UGP2: variants seen among roughly 807,000 people sequenced by gnomAD.
UGP2 encodes UDP-glucose pyrophosphorylase 2, also known as UTP--glucose-1-phosphate uridylyltransferase.
UGP2 carries 40 observed loss-of-function variants against 49.0 expected under a neutral mutation model. The observed-to-expected ratio is 0.82, with a 90% CI of 0.63 to 1.06. UGP2 has a LOEUF of 1.06. Among genes scored for constraint, UGP2 ranks in the 50% least tolerant of loss-of-function variants. The pLI is 0.00. For missense variants in UGP2, 460 were observed against 603.5 expected, an observed-to-expected ratio of 0.76 and a Z score of 2.49; for synonymous variants, 225 against 213.0, an observed-to-expected ratio of 1.06 and a Z score of -0.49.
chr2:63,880,945 T>C (rs988411614), intron 3 of UGP2, among the ~76,000 whole-genome samples: 4 of 152,164 alleles, frequency 2.6e-5, no homozygotes, highest in African/African-American at 9.7e-5. Context: ...TTTTGGTTCA[T>C]GAATATGAAT....
intron 4 of UGP2, 131 bp downstream of exon 4, chr2:63,882,782 T>G: frequency 9.6e-7 from 1 of 1,044,220 alleles, no homozygotes; most frequent in Non-Finnish European, 1.3e-6. Context: ...AATCTCTTTA[T>G]TGGTGGAAAA....
At chr2:63,845,678 A>ATG (rs1330650441) in intron 1 of UGP2, among the ~76,000 whole-genome samples, 1 of 152,104 alleles carries the variant, frequency 6.6e-6, no homozygotes, top group Admixed American at 6.5e-5. Flanking sequence ...ACTATGTATG[A>ATG]TGTACTGTAT....
rs565360076 is a variant in UGP2, at chr2:63,849,143, T to A, written c.19+6939T>A. Among the ~76,000 whole-genome samples, 6 of 152,362 alleles carry A rather than the reference T, an allele frequency of 3.9e-5. No homozygotes were observed. In the South Asian group the frequency reaches 1.2e-3, roughly 32 times the overall value. ...TTGTTTCTTTGTGATTTCGCTTGTG[T>A]CCTAAAAAACAAACAAAAAGCCATT... On this transcript the variant is annotated intron_variant, in intron 1 of 9. Transcript: ENST00000337130.
At chr2:63,877,418 T>G (rs1429842005) in intron 3 of UGP2, among the ~76,000 whole-genome samples, 1 of 152,240 alleles carries the variant, frequency 6.6e-6, no homozygotes, top group Admixed American at 6.5e-5. Context: ...CTTGAAGTTA[T>G]CTCACAAACT....
intron 8 of UGP2, chr2:63,889,659 C>G (rs1671943772): frequency 6.5e-6 from 1 of 154,780 alleles, no homozygotes; most frequent in Non-Finnish European, 1.4e-5. Flanking sequence ...ATAATTTGTG[C>G]TGTTGCTCTT....
chr2:63,887,732 C>T (rs565134653), intron 8 of UGP2, 88 bp downstream of exon 8: 114 of 1,490,542 alleles, frequency 7.6e-5, no homozygotes, highest in South Asian at 2.8e-4. Flanking sequence ...AGACTAATTA[C>T]AGTCTCTACC....
At chr2:63,885,221 G>A (rs1671596546) in intron 5 of UGP2, among the ~76,000 whole-genome samples, 1 of 151,940 alleles carries the variant, frequency 6.6e-6, no homozygotes, top group Non-Finnish European at 1.5e-5. Context: ...AGAATGGGCA[G>A]TATTTCCCAG....
At chr2:63,844,466 A>G (rs12988017) in intron 1 of UGP2, among the ~76,000 whole-genome samples, 26,797 of 151,968 alleles carry the variant, frequency 0.18, 3,139 homozygotes, top group Non-Finnish European at 0.24. Context: ...CTCAAGCTTT[A>G]TAAGAGTCCT....
intron 3 of UGP2, among the ~76,000 whole-genome samples, chr2:63,877,823 C>T (rs1349459793): frequency 6.6e-6 from 1 of 151,010 alleles, no homozygotes; most frequent in Non-Finnish European, 1.5e-5. Context: ...GAAACCCCGT[C>T]TCTACTAAAA....
intron 2 of UGP2, chr2:63,857,031 G>A (rs1669490499): frequency 2.8e-6 from 1 of 356,392 alleles, no homozygotes; most frequent in Non-Finnish European, 5.5e-6. Context: ...CAGGCGCAGT[G>A]GCTCTTAGCT....
upstream of UGP2, chr2:63,841,202 C>G (rs373528030): frequency 6.6e-6 from 1 of 152,154 alleles, no homozygotes; most frequent in Non-Finnish European, 1.5e-5. Context: ...ATAAACGCCC[C>G]CAATTTCCCA....
At chr2:63,885,554 G>A in intron 5 of UGP2, 35 bp from the exon 6 acceptor site, 1 of 1,490,480 alleles carries the variant, frequency 6.7e-7, no homozygotes, top group Non-Finnish European at 8.9e-7. Flanking sequence ...GCTCTACAGG[G>A]TCAATATTGA....
intron 8 of UGP2, chr2:63,889,828 AG>A: frequency 6.4e-6 from 2 of 310,718 alleles, no homozygotes; most frequent in Non-Finnish European, 5.8e-6. Flanking sequence ...AAAAAAAAAA[AG>A]AAAAAAAACC....
Position 63,882,522 on chromosome 2 carries a change from G to A in UGP2, c.312G>A (p.Val104=), listed in dbSNP as rs779321630. ...GCTTGCCTGATAATATATCTTCCGT[G>A]TTGAACAAACTAGTGGTGGTGAAAC... ...ARGLPDNISS[V]LNKLVVVKLN... The change falls in exon 4 of 10, where the codon GTG becomes GTA. Residue 104 remains valine, a synonymous_variant. Coordinates refer to ENST00000337130, the MANE Select transcript of UGP2 (RefSeq NM_006759.4). 6.2e-7 allele frequency: 1 copy of A among 1,612,698 alleles called. No homozygotes were observed. The highest frequency in any genetic ancestry group is 8.5e-7 in the Non-Finnish European group (1 of 1,178,940).
intron 8 of UGP2, chr2:63,889,520 G>A (rs1488477749): frequency 6.6e-6 from 1 of 152,642 alleles, no homozygotes; most frequent in Non-Finnish European, 1.5e-5. Flanking sequence ...TGGTGGTGGT[G>A]GATGGAAACA....
At chr2:63,861,360 A>G (rs1486260148) in intron 3 of UGP2, among the ~76,000 whole-genome samples, 2 of 152,046 alleles carry the variant, frequency 1.3e-5, no homozygotes, top group Non-Finnish European at 2.9e-5. Context: ...CCTGTTCAAG[A>G]AGGTATTGGA....
chr2:63,847,552 CGAAAA>C (rs1305807912), intron 1 of UGP2, among the ~76,000 whole-genome samples: 1 of 151,818 alleles, frequency 6.6e-6, no homozygotes, highest in African/African-American at 2.4e-5. Flanking sequence ...GGGCTGAGTC[CGAAAA>C]GAGAGTCAGT....
intron 3 of UGP2, among the ~76,000 whole-genome samples, chr2:63,881,609 G>C (rs1457109096): frequency 6.6e-6 from 1 of 152,170 alleles, no homozygotes; most frequent in Non-Finnish European, 1.5e-5. Flanking sequence ...AAGATGTTTA[G>C]ACTTGCTTGT....
chr2:63,848,650 C>A (rs1377363802), intron 1 of UGP2, among the ~76,000 whole-genome samples: 1 of 152,250 alleles, frequency 6.6e-6, no homozygotes, highest in Admixed American at 6.5e-5. Flanking sequence ...GTGTGAGCCA[C>A]TGCGCCCAGC....
Sources: gnomAD v4.1 joint callset for allele counts (sites outside exome capture counted in the v4.1 genomes callset) on GRCh38, gnomAD v4.1.1 for gene constraint, MANE v1.5 for transcripts, NCBI Gene and HGNC (gene_info 2026-07-23, HGNC 2026-07-21) for gene names.